The following SLC35D4 variants were observed in gnomAD, a reference collection of about 807,000 sequenced individuals.
The protein encoded by SLC35D4 is solute carrier family 35 member D4, also known as UDP-N-acetylglucosamine transporter SLC35D4.
At chr18:23,324,630 T>C in the SLC35D4 span, among the ~76,000 whole-genome samples, 2 of 152,090 alleles carry the variant, frequency 1.3e-5, no homozygotes, top group South Asian at 2.1e-4. Context: ...AATATTATCA[T>C]AGGGTAAGTG....
chr18:23,384,009 G>GC, the SLC35D4 span, among the ~76,000 whole-genome samples: 27 of 136,780 alleles, frequency 2.0e-4, 2 homozygotes, highest in African/African-American at 5.8e-4. Context: ...ATTGGGGGGG[G>GC]GGGGTGTGAT....
the SLC35D4 span, among the ~76,000 whole-genome samples, chr18:23,300,409 T>G: frequency 1.3e-5 from 2 of 152,254 alleles, no homozygotes; most frequent in South Asian, 4.1e-4. Context: ...TTTTATACAC[T>G]TTCCACTAAT....
At chr18:23,312,273 G>A in the SLC35D4 span, among the ~76,000 whole-genome samples, 7 of 152,124 alleles carry the variant, frequency 4.6e-5, no homozygotes, top group Admixed American at 2.0e-4. Flanking sequence ...CCTGTCTGCC[G>A]TGAGATAGAT....
the SLC35D4 span, among the ~76,000 whole-genome samples, chr18:23,247,150 C>T: frequency 2.0e-4 from 30 of 152,376 alleles, 1 homozygote; most frequent in African/African-American, 7.0e-4. Context: ...CAGCTCACCC[C>T]CAGCACTAAA....
chr18:23,244,686 G>T, the SLC35D4 span, among the ~76,000 whole-genome samples: 1 of 152,248 alleles, frequency 6.6e-6, no homozygotes, highest in Non-Finnish European at 1.5e-5. Flanking sequence ...CGCAGTGGCT[G>T]TTGGCGCTGG....
At chr18:23,319,802 G>C in the SLC35D4 span, among the ~76,000 whole-genome samples, 1 of 152,224 alleles carries the variant, frequency 6.6e-6, no homozygotes, top group Non-Finnish European at 1.5e-5. Flanking sequence ...ATAAAATAAA[G>C]ATGTCATTTC....
the SLC35D4 span, among the ~76,000 whole-genome samples, chr18:23,351,978 A>G: frequency 6.6e-6 from 1 of 152,224 alleles, no homozygotes; most frequent in Non-Finnish European, 1.5e-5. Flanking sequence ...GAGCCTATCC[A>G]TGATTGTCTT....
chr18:23,245,915 G>A, the SLC35D4 span, among the ~76,000 whole-genome samples: 3 of 152,348 alleles, frequency 2.0e-5, no homozygotes, highest in East Asian at 5.8e-4. Context: ...GGCCTGCTGC[G>A]GGCCACAAGG....
the SLC35D4 span, among the ~76,000 whole-genome samples, chr18:23,358,228 GT>G: frequency 3.9e-5 from 6 of 152,220 alleles, no homozygotes; most frequent in Admixed American, 2.0e-4. Context: ...CGCAGCCAAT[GT>G]GATAATGAGG....
chr18:23,387,084 A>AT, the SLC35D4 span, among the ~76,000 whole-genome samples: 1 of 151,894 alleles, frequency 6.6e-6, no homozygotes, highest in Non-Finnish European at 1.5e-5. Context: ...TAATTTTTGT[A>AT]TTTTTTTAGT....
chr18:23,405,143 G>A, the SLC35D4 span, among the ~76,000 whole-genome samples: 2 of 152,026 alleles, frequency 1.3e-5, no homozygotes. Context: ...CCCTCATCTT[G>A]GACTTCACAG....
the SLC35D4 span, among the ~76,000 whole-genome samples, chr18:23,391,752 T>C: frequency 6.6e-6 from 1 of 152,094 alleles, no homozygotes; most frequent in African/African-American, 2.4e-5. Flanking sequence ...CCTCCTAAAG[T>C]CTGGGATTAC....
chr18:23,292,492 C>T, the SLC35D4 span, among the ~76,000 whole-genome samples: 1 of 152,194 alleles, frequency 6.6e-6, no homozygotes, highest in Non-Finnish European at 1.5e-5. Flanking sequence ...GCCACAGACC[C>T]TGCCCGGTGG....
At chr18:23,283,471 C>CAAAAAAAAAA in the SLC35D4 span, among the ~76,000 whole-genome samples, 1 of 44,420 alleles carries the variant, frequency 2.3e-5, no homozygotes, top group African/African-American at 8.8e-5. Flanking sequence ...GACCCAGTCT[C>CAAAAAAAAAA]AAAAAAAAAA....
chr18:23,337,791 G>A, the SLC35D4 span, among the ~76,000 whole-genome samples: 5 of 152,204 alleles, frequency 3.3e-5, no homozygotes, highest in East Asian at 7.7e-4. Flanking sequence ...AAGAAAGAAA[G>A]ACATTAGGCC....
chr18:23,300,489 A>G, the SLC35D4 span, among the ~76,000 whole-genome samples: 1 of 152,212 alleles, frequency 6.6e-6, no homozygotes, highest in African/African-American at 2.4e-5. Flanking sequence ...CCATAACCTT[A>G]GAAAAATGCT....
the SLC35D4 span, among the ~76,000 whole-genome samples, chr18:23,248,280 C>T: frequency 6.6e-5 from 10 of 152,210 alleles, no homozygotes; most frequent in African/African-American, 2.2e-4. Context: ...TCCCCGCCTT[C>T]ACCGAGCCAG....
the SLC35D4 span, among the ~76,000 whole-genome samples, chr18:23,308,381 C>T: frequency 2.6e-5 from 4 of 152,274 alleles, no homozygotes; most frequent in Non-Finnish European, 4.4e-5. Context: ...AGCCTTCATA[C>T]ATTCAAACCA....
chr18:23,288,702 CCT>C, the SLC35D4 span, among the ~76,000 whole-genome samples: 1 of 152,172 alleles, frequency 6.6e-6, no homozygotes, highest in African/African-American at 2.4e-5. Flanking sequence ...TCATTTCTTC[CCT>C]CTGTCAGACA....
Sources: gnomAD v4.1 joint callset for allele counts (sites outside exome capture counted in the v4.1 genomes callset) on GRCh38, gnomAD v4.1.1 for gene constraint, MANE v1.5 for transcripts, NCBI Gene and HGNC (gene_info 2026-07-23, HGNC 2026-07-21) for gene names.